The following SRGAP3 variants were observed in gnomAD, a reference collection of about 807,000 sequenced individuals.
The protein encoded by SRGAP3 is SLIT-ROBO Rho GTPase-activating protein 3.
SRGAP3 carries 39 observed loss-of-function variants against 121.1 expected under a neutral mutation model. The ratio of observed to expected loss-of-function variants is 0.32; its 90% confidence interval spans 0.25 to 0.42. The LOEUF is 0.42. Among genes scored for constraint, SRGAP3 ranks in the 10% least tolerant of loss-of-function variants. SRGAP3 has a pLI of 1.00. For synonymous variants in SRGAP3, 601 were observed against 570.0 expected, an observed-to-expected ratio of 1.05 and a Z score of -0.77; for missense variants, 1,213 against 1,470.6, an observed-to-expected ratio of 0.82 and a Z score of 2.86.
chr3:9,331,664 G>A (rs1392124809), intron 1 of SRGAP3, among the ~76,000 whole-genome samples: 1 of 152,160 alleles, frequency 6.6e-6, no homozygotes, highest in Non-Finnish European at 1.5e-5. Context: ...GACTTGCTTT[G>A]ACTGACAGAA....
At chr3:9,074,661 C>T (rs1946873413) in intron 4 of SRGAP3, among the ~76,000 whole-genome samples, 1 of 152,184 alleles carries the variant, frequency 6.6e-6, no homozygotes, top group Non-Finnish European at 1.5e-5. Context: ...CTCCTGGGCT[C>T]CCAGTCTCAG....
chr3:9,147,938 C>G (rs2543495), intron 1 of SRGAP3, among the ~76,000 whole-genome samples: 72,276 of 152,090 alleles, frequency 0.48, 19,834 homozygotes, highest in Non-Finnish European at 0.63. Context: ...TTTCAGAAGC[C>G]CCTCTGCAAA....
chr3:9,211,727 G>T, intron 1 of SRGAP3, among the ~76,000 whole-genome samples: 1 of 142,466 alleles, frequency 7.0e-6, no homozygotes, highest in African/African-American at 2.6e-5. Context: ...GAGTGCAGTG[G>T]CACAGTCATG....
intron 10 of SRGAP3, among the ~76,000 whole-genome samples, chr3:9,045,407 G>A (rs1442119362): frequency 1.3e-5 from 2 of 152,082 alleles, no homozygotes; most frequent in African/African-American, 2.4e-5. Context: ...AAACTCAGAA[G>A]AGAGACTGGT....
At chr3:9,064,311 G>C in intron 5 of SRGAP3, 85 bp downstream of exon 5, 2 of 1,580,902 alleles carry the variant, frequency 1.3e-6, no homozygotes, top group Non-Finnish European at 1.7e-6. Context: ...GGAATAAGGG[G>C]GAAGGCTAAG....
At chr3:9,358,102 G>C (rs1021048088) in intron 1 of SRGAP3, among the ~76,000 whole-genome samples, 8 of 151,948 alleles carry the variant, frequency 5.3e-5, no homozygotes, top group Non-Finnish European at 1.5e-5. Context: ...CTCAAACTCT[G>C]AAATATTTTA....
chr3:9,145,754 G>T (rs1403745612), intron 1 of SRGAP3, among the ~76,000 whole-genome samples: 1 of 152,180 alleles, frequency 6.6e-6, no homozygotes, highest in Non-Finnish European at 1.5e-5. Flanking sequence ...TAGGGGAGAT[G>T]GTAGGAACTA....
At chr3:9,177,192 T>C (rs1951209327) in intron 1 of SRGAP3, among the ~76,000 whole-genome samples, 1 of 152,230 alleles carries the variant, frequency 6.6e-6, no homozygotes, top group Admixed American at 6.5e-5. Context: ...TACTGGGTGA[T>C]GTGGACACAA....
intron 4 of SRGAP3, among the ~76,000 whole-genome samples, chr3:9,075,696 T>C (rs1320348297): frequency 1.3e-5 from 2 of 152,062 alleles, no homozygotes; most frequent in East Asian, 3.9e-4. Context: ...TACAGAACTT[T>C]AAGAAGAAAA....
chr3:8,994,763 A>G (rs904092233), intron 18 of SRGAP3, among the ~76,000 whole-genome samples: 1 of 152,184 alleles, frequency 6.6e-6, no homozygotes, highest in Admixed American at 6.5e-5. Context: ...GAGCTGATAC[A>G]TGCTCCTTTT....
Position 9,324,463 on chromosome 3 carries a change from A to T in SRGAP3, n.442+1547T>A, listed in dbSNP as rs1436007453. ...AAAGAATAAAGACTGAGTAGAAGCT[A>T]CCTCCCTATGCTGGAACATCCTGTT... On this transcript the variant is annotated intron_variant and non_coding_transcript_variant, in intron 3 of 3. Transcript: ENST00000490889. 2.0e-5 allele frequency among the ~76,000 whole-genome samples: 3 copies of T among 151,984 alleles called. No individual in the cohort carries two copies. In the East Asian group the frequency reaches 5.8e-4, roughly 29 times the overall value.
chr3:9,238,736 G>C (rs1953512405), intron 1 of SRGAP3, among the ~76,000 whole-genome samples: 1 of 152,204 alleles, frequency 6.6e-6, no homozygotes, highest in Admixed American at 6.5e-5. Context: ...CAGGGGAGAA[G>C]CAAGTGTTGA....
At chr3:9,294,739 T>C (rs1461235095) in intron 3 of SRGAP3, among the ~76,000 whole-genome samples, 1 of 151,160 alleles carries the variant, frequency 6.6e-6, no homozygotes, top group East Asian at 2.0e-4. Flanking sequence ...TGTGTGTGTG[T>C]GTTTGGGAGG....
intron 18 of SRGAP3, among the ~76,000 whole-genome samples, chr3:8,995,028 G>C (rs888978166): frequency 2.0e-4 from 31 of 152,236 alleles, no homozygotes; most frequent in Middle Eastern, 3.4e-3. Context: ...CATTGTTAAG[G>C]ACTGAACTGT....
intron 1 of SRGAP3, among the ~76,000 whole-genome samples, chr3:9,203,296 T>C (rs1952131753): frequency 1.3e-5 from 2 of 152,198 alleles, no homozygotes. Context: ...GAACTTGGAT[T>C]CTAGTGCTAA....
At chr3:9,025,609 C>T (rs1944158512) in intron 13 of SRGAP3, among the ~76,000 whole-genome samples, 1 of 152,196 alleles carries the variant, frequency 6.6e-6, no homozygotes, top group Admixed American at 6.5e-5. Context: ...CAATACCTTT[C>T]CTTCCCTGTA....
intron 1 of SRGAP3, among the ~76,000 whole-genome samples, chr3:9,345,819 AAGAG>A (rs1364406642): frequency 2.6e-5 from 4 of 151,972 alleles, no homozygotes; most frequent in South Asian, 4.2e-4. Context: ...AGAAAAAAGA[AAGAG>A]AGAGAGAACA....
intron 2 of SRGAP3, among the ~76,000 whole-genome samples, chr3:9,114,445 T>C (rs1948734850): frequency 6.6e-6 from 1 of 152,184 alleles, no homozygotes; most frequent in Admixed American, 6.5e-5. Flanking sequence ...ATTACTACTT[T>C]CTCCTTCTGC....
At position 8,982,138 on chromosome 3, in the gene SRGAP3, C is replaced by T. The variant is rs1039788487; in HGVS notation, c.*3381G>A. 4.4e-6 allele frequency: 1 copy of T among 226,278 alleles called. No individual in the cohort carries two copies. The highest frequency in any genetic ancestry group is 2.2e-5 in the African/African-American group (1 of 44,948). 14.0% of individuals were successfully genotyped at this position (226,278 alleles called of 1,614,324 possible). A position where few individuals can be genotyped will look rare whatever the true frequency, so the allele number is the denominator to read the frequency against. On this transcript the variant is annotated 3_prime_UTR_variant, in exon 22 of 22. Transcript: ENST00000383836. ...GAGCCACAAGGCCCAGGAAACTAGA[C>T]CAGGAATTAATTGTCTTTGGTCAGT...
Sources: allele counts gnomAD v4.1 joint callset (sites outside exome capture counted in the v4.1 genomes callset), GRCh38; gene constraint gnomAD v4.1.1; transcripts MANE v1.5; gene names NCBI Gene and HGNC (gene_info 2026-07-23, HGNC 2026-07-21).